Variants in SLITRK2 observed in about 807,000 individuals in gnomAD.
SLITRK2 encodes the protein SLIT and NTRK like family member 2, also known as SLIT and NTRK-like protein 2.
Under a neutral mutation model 35.4 loss-of-function variants are expected in SLITRK2, and 13 were observed. The observed-to-expected ratio is 0.37, with a 90% CI of 0.24 to 0.58. SLITRK2 has a LOEUF of 0.58. Among genes scored for constraint, SLITRK2 ranks in the 20% least tolerant of loss-of-function variants. The pLI, the probability that SLITRK2 is intolerant of heterozygous loss-of-function variation, is 0.75. For synonymous variants in SLITRK2, 294 were observed against 264.7 expected (o/e 1.11, Z -1.07); for missense variants, 471 against 634.3 (o/e 0.74, Z 2.76).
In SLITRK2 at chrX:145,827,350, T is replaced by C. The variant is rs781975047; in HGVS notation, c.*2387T>C. 7.3e-6 allele frequency: 1 copy of C among 136,452 alleles called. No individual in the cohort carries two copies. 11.2% of individuals were successfully genotyped at this position (136,452 alleles called of 1,213,427 possible). A position where few individuals can be genotyped will look rare whatever the true frequency, so the allele number is the denominator to read the frequency against. ...AAGTGATTGTGAAGGCAAATTTGCA[T>C]ATATATTCTGTTAAGATCATTTTCA... On this transcript the variant is annotated 3_prime_UTR_variant, in exon 5 of 5. Coordinates refer to ENST00000335565, the MANE Select transcript of SLITRK2 (RefSeq NM_032539.5).
chrX:145,820,750 G>C (rs948544262), intron 2 of SLITRK2: 11 of 111,570 alleles, frequency 9.9e-5, no homozygotes, highest in Non-Finnish European at 2.1e-4. Flanking sequence ...CAGGCAAGAA[G>C]TGCACGTTTA....
At position 145,826,262 on chromosome X, in the gene SLITRK2, C is replaced by T. The variant is rs2073125957; in HGVS notation, c.*1299C>T. ...CACGGGTTAGACTCATAATCCTTCT[C>T]AAGTTTAACACTTTCTGACAAAACA... On this transcript the variant is annotated 3_prime_UTR_variant, in exon 5 of 5. Coordinates refer to ENST00000335565, the MANE Select transcript of SLITRK2 (RefSeq NM_032539.5). 1 of 111,895 alleles carries T rather than the reference C, an allele frequency of 8.9e-6. No individual in the cohort carries two copies. The highest frequency in any genetic ancestry group is 3.2e-5 in the African/African-American group (1 of 30,817). 9.2% of individuals were successfully genotyped at this position (111,895 alleles called of 1,213,427 possible). A position where few individuals can be genotyped will look rare whatever the true frequency, so the allele number is the denominator to read the frequency against.
rs909803326 is a variant in SLITRK2, at chrX:145,826,551, T to A, written c.*1588T>A. The A allele has an allele frequency of 7.1e-5, 8 of 112,238 alleles. No individual in the cohort carries two copies. Among genetic ancestry groups the A allele is most frequent in the Non-Finnish European group, 1.5e-4 (8 of 53,224 alleles). The allele number at this position is 112,238 out of a possible 1,213,427, so 9.2% of individuals were successfully genotyped here. ...TTATTAGACTGTAAATAATTTTAGA[T>A]GCAAACGTGATTGTGTGATTTAAAC... is the stretch of plus-strand genomic sequence containing the variant. On this transcript the variant is annotated 3_prime_UTR_variant, in exon 5 of 5. Transcript: ENST00000335565.
chrX:145,823,674 G>A lies in SLITRK2; in HGVS notation c.1249G>A (p.Gly417Ser), dbSNP rs1363479770. 4.1e-6 allele frequency: 5 copies of A among 1,209,750 alleles called. No individual in the cohort carries two copies. Among genetic ancestry groups the A allele is most frequent in the Non-Finnish European group, 4.5e-6 (4 of 894,969 alleles). ...CAACAGGATTGCAGTCATTCAGGAAGGTGCCTTTACAAACCTGACCAGTTT... is the reference window on the plus strand; with the variant it reads ...CAACAGGATTGCAGTCATTCAGGAAAGTGCCTTTACAAACCTGACCAGTTT... ...GNNRIAVIQE[G>S]AFTNLTSLRR... Residue 417 changes from glycine to serine, a missense_variant, in exon 5 of 5, where the codon GGT becomes AGT. Around this residue, in one of 7 missense-constraint regions of SLITRK2, gnomAD observed 92 missense variants for 184.2 expected, o/e 0.50. Transcript: ENST00000335565.
rs2124162425 is a variant in SLITRK2 at position 145,823,000 on chromosome X, G to C, written c.575G>C (p.Arg192Thr). 1 of 1,211,745 alleles carries C rather than the reference G, an allele frequency of 8.3e-7. No individual in the cohort carries two copies. Among genetic ancestry groups the C allele is most frequent in the Non-Finnish European group, 1.1e-6 (1 of 895,471 alleles). ...ACCCACTTAGACCTCAGGGGGAATA[G>C]GCTAAAAGTAATGCCTTTTGCTGGC... Reference protein sequence around the residue: ...LLTHLDLRGNRLKVMPFAGVL... With the variant: ...LLTHLDLRGNTLKVMPFAGVL... Residue 192 changes from arginine to threonine, a missense_variant, in exon 5 of 5, where the codon AGG becomes ACG. Arg to Thr is a moderately conservative substitution (Grantham distance 71, BLOSUM62 -1). Transcript: ENST00000335565.
Position 145,826,435 on chromosome X carries a change from G to GTT in SLITRK2, c.*1475_*1476dup, listed in dbSNP as rs2073127915. The GTT allele has an allele frequency of 1.8e-5, 2 of 111,974 alleles. No individual in the cohort carries two copies. The highest frequency in any genetic ancestry group is 6.5e-5 in the African/African-American group (2 of 30,837). The allele number at this position is 111,974 out of a possible 1,213,427, so 9.2% of individuals were successfully genotyped here. A position where few individuals can be genotyped will look rare whatever the true frequency, so the allele number is the denominator to read the frequency against. ...CTTCTTTAGGCTTGTGTTACTTGAA[G>GTT]TTTTCCTTGTCAGCTTGAGCAAGAC... On this transcript the variant is annotated 3_prime_UTR_variant, in exon 5 of 5. Transcript: ENST00000335565.
In SLITRK2 at chrX:145,827,055, G is replaced by A. The variant is rs1280620211; in HGVS notation, c.*2092G>A. 1 of 111,694 alleles carries A rather than the reference G, an allele frequency of 9.0e-6. No homozygotes were observed. Among genetic ancestry groups the A allele is most frequent in the East Asian group, 2.8e-4 (1 of 3,569 alleles). 9.2% of individuals were successfully genotyped at this position (111,694 alleles called of 1,213,427 possible). A position where few individuals can be genotyped will look rare whatever the true frequency, so the allele number is the denominator to read the frequency against. On this transcript the variant is annotated 3_prime_UTR_variant, in exon 5 of 5. Transcript: ENST00000335565. Reference sequence around the variant, plus strand: ...TGGCAAGCTAACATGCTCATTCTTTGATTAGAGGTGATAATTCCTATTTCG... The same window carrying A: ...TGGCAAGCTAACATGCTCATTCTTTAATTAGAGGTGATAATTCCTATTTCG...
Position 145,827,841 on chromosome X carries a change from A to T in SLITRK2, c.*2878A>T. 2 of 1,211,261 alleles carry T rather than the reference A, an allele frequency of 1.7e-6. No individual in the cohort carries two copies. The highest frequency in any genetic ancestry group is 2.2e-6 in the Non-Finnish European group (2 of 895,409). ...GCTCAAGCACTTTCGACCATATTTT[A>T]TTTTAGGATTTTTATTTTTATCTTC... is the stretch of plus-strand genomic sequence containing the variant. On this transcript the variant is annotated 3_prime_UTR_variant, in exon 5 of 5. Transcript: ENST00000335565.
chrX:145,824,216 C>A lies in SLITRK2; in HGVS notation c.1791C>A (p.Asp597Glu), dbSNP rs782463098. The A allele has an allele frequency of 4.1e-6, 5 of 1,211,038 alleles. No homozygotes were observed. Among genetic ancestry groups the A allele is most frequent in the Non-Finnish European group, 5.6e-6 (5 of 895,164 alleles). Residue 597 changes from aspartate (D) to glutamate (E), a missense_variant, in exon 5 of 5, where the codon GAC (aspartate) becomes GAA (glutamate). Asp to Glu is a conservative substitution (Grantham distance 45, BLOSUM62 2). Around this residue, in one of 7 missense-constraint regions of SLITRK2, gnomAD observed 190 missense variants for 199.3 expected, o/e 0.95. Transcript: ENST00000335565. ...TCTTGTCAATGAATCACAATACAGA[C>A]ACACCTCGGTCGCTTAGTGTGTCTC... ...GTVLSMNHNTDTPRSLSVSPS... is the reference protein window; with the variant it reads ...GTVLSMNHNTETPRSLSVSPS...
Position 145,824,808 on chromosome X carries a change from C to A in SLITRK2, c.2383C>A (p.Gln795Lys), listed in dbSNP as rs1556945264. 1 of 1,211,559 alleles carries A rather than the reference C, an allele frequency of 8.3e-7. No homozygotes were observed. The highest frequency in any genetic ancestry group is 1.1e-6 in the Non-Finnish European group (1 of 895,532). Residue 795 changes from glutamine (Q) to lysine (K), a missense_variant, in exon 5 of 5, where the codon CAA becomes AAA. Coordinates refer to ENST00000335565, the MANE Select transcript of SLITRK2 (RefSeq NM_032539.5). Reference sequence around the variant, plus strand: ...TTCCTATGAATCTCGACGCCAAAACCAAGACAGAATCAATAAAACCGTTTT... The same window carrying A: ...TTCCTATGAATCTCGACGCCAAAACAAAGACAGAATCAATAAAACCGTTTT... ...APSYESRRQNQDRINKTVLYG... is the reference protein window; with the variant it reads ...APSYESRRQNKDRINKTVLYG...
intron 2 of SLITRK2, chrX:145,821,113 T>TCACA (rs1569505949): frequency 1.2e-4 from 7 of 60,681 alleles, no homozygotes; most frequent in African/African-American, 4.7e-4. Flanking sequence ...TCTCTCTCTC[T>TCACA]CTCTCTCTCA....
Position 145,824,220 on chromosome X carries a change from C to T in SLITRK2, c.1795C>T (p.Pro599Ser), listed in dbSNP as rs1163142672. 5.8e-6 allele frequency: 7 copies of T among 1,211,080 alleles called. No individual in the cohort carries two copies. Among genetic ancestry groups the T allele is most frequent in the Non-Finnish European group, 7.8e-6 (7 of 895,225 alleles). ...GTCAATGAATCACAATACAGACACA[C>T]CTCGGTCGCTTAGTGTGTCTCCTAG... ...VLSMNHNTDT[P>S]RSLSVSPSSY... The change falls in exon 5 of 5, where the codon CCT becomes TCT. Residue 599 changes from proline (P) to serine (S), a missense_variant. Transcript: ENST00000335565.
intron 2 of SLITRK2, chrX:145,821,101 ACTCT>A (rs1232702041): frequency 4.4e-4 from 31 of 70,112 alleles, no homozygotes; most frequent in African/African-American, 1.4e-3. Context: ...ACACACACAC[ACTCT>A]CTCTCTCTCT....
rs782339584 is a variant in SLITRK2, at chrX:145,827,750, A to T, written c.*2787A>T. ...TGAACCTTTATTTTCTAATGCAATCATAAACATTTTAAGTTTTATTAACTC... is the reference window on the plus strand; with the variant it reads ...TGAACCTTTATTTTCTAATGCAATCTTAAACATTTTAAGTTTTATTAACTC... On this transcript the variant is annotated 3_prime_UTR_variant, in exon 5 of 5. Transcript: ENST00000335565. 29 of 1,204,820 alleles carry T rather than the reference A, an allele frequency of 2.4e-5. No individual in the cohort carries two copies. The Admixed American group carries it at 6.4e-4, about 26-fold the overall frequency.
intron 2 of SLITRK2, 101 bp from the exon 3 acceptor site, chrX:145,821,247 G>A (rs2073010037): frequency 3.7e-5 from 4 of 108,141 alleles, no homozygotes; most frequent in African/African-American, 1.4e-4. Context: ...AGAGGGAGGA[G>A]TGAGAGAGAA....
In SLITRK2 at chrX:145,828,692, G is replaced by A. The variant is rs1281916161; in HGVS notation, c.*3729G>A. Reference sequence around the variant, plus strand: ...CCAGATTAACAGTGGAGACAGTAATGCAATGCAGGAAGTTAAGTTTTTAAA... The same window carrying A: ...CCAGATTAACAGTGGAGACAGTAATACAATGCAGGAAGTTAAGTTTTTAAA... On this transcript the variant is annotated 3_prime_UTR_variant, in exon 5 of 5. Transcript: ENST00000335565. 8.1e-6 allele frequency: 1 copy of A among 122,874 alleles called. No individual in the cohort carries two copies. The highest frequency in any genetic ancestry group is 1.9e-5 in the Non-Finnish European group (1 of 53,240). 10.1% of individuals were successfully genotyped at this position (122,874 alleles called of 1,213,427 possible).
chrX:145,820,839 T>C (rs1301356007), intron 2 of SLITRK2: 2 of 111,366 alleles, frequency 1.8e-5, no homozygotes, highest in African/African-American at 3.3e-5. Flanking sequence ...TAAGCTAACA[T>C]TGAGCTGACT....
chrX:145,825,971 A>T lies in SLITRK2; in HGVS notation c.*1008A>T. The T allele has an allele frequency of 8.7e-6, 1 of 114,362 alleles. No homozygotes were observed. Among genetic ancestry groups the T allele is most frequent in the Non-Finnish European group, 1.9e-5 (1 of 53,172 alleles). 9.4% of individuals were successfully genotyped at this position (114,362 alleles called of 1,213,427 possible). ...GCTAGTAATATATTTTTCTGCATTG[A>T]ATTAGATATTTTTATATATTTAAAT... On this transcript the variant is annotated 3_prime_UTR_variant, in exon 5 of 5. Transcript: ENST00000335565.
At position 145,827,644 on chromosome X, in the gene SLITRK2, A is replaced by C. The variant is rs1352489052; in HGVS notation, c.*2681A>C. ...CCTCTTGCTTGTTACAGTTATACTT[A>C]ATTTGCAGTAGATTTTTAAATGAAA... On this transcript the variant is annotated 3_prime_UTR_variant, in exon 5 of 5. Transcript: ENST00000335565. The C allele has an allele frequency of 9.9e-7, 1 of 1,011,540 alleles. No individual in the cohort carries two copies. The highest frequency in any genetic ancestry group is 3.6e-5 in the Admixed American group (1 of 27,745). 83.4% of individuals were successfully genotyped at this position (1,011,540 alleles called of 1,213,427 possible).
Sources: allele counts gnomAD v4.1 joint callset, GRCh38; gene constraint gnomAD v4.1.1; regional missense constraint gnomAD v4.1.1; transcripts MANE v1.5; gene names NCBI Gene and HGNC (gene_info 2026-07-23, HGNC 2026-07-21).